MAP3K4: variants seen among roughly 807,000 people sequenced by gnomAD.
The protein encoded by MAP3K4 is MAP three kinase 1.
A neutral mutation model predicts 185.6 loss-of-function variants in MAP3K4; 67 were observed. The observed-to-expected ratio is 0.36, with a 90% CI of 0.30 to 0.44. MAP3K4 has a LOEUF of 0.44. MAP3K4 is among the 20% of genes least tolerant of loss of function. The pLI, the probability that MAP3K4 is intolerant of heterozygous loss-of-function variation, is 1.00. For missense variants in MAP3K4, 1,551 were observed against 1,995.1 expected, an observed-to-expected ratio of 0.78 and a Z score of 4.24; for synonymous variants, 702 against 710.4, an observed-to-expected ratio of 0.99 and a Z score of 0.19.
rs4709490 is a variant in MAP3K4, at chr6:161,076,162, G to T, written c.2097+2550G>T. Among the ~76,000 whole-genome samples the T allele has an allele frequency of 0.91, 137,956 of 152,284 alleles. 62,672 individuals are homozygous for T. Among genetic ancestry groups the T allele is most frequent in the East Asian group, 0.99 (5,135 of 5,178 alleles). ...GAAGGTAAACCCAAGCTCTAAATAC[G>T]TGTCCGCCTTAGGCCCAGAAGGCCC... On this transcript the variant is annotated intron_variant, in intron 5 of 26. Coordinates refer to ENST00000392142, the MANE Select transcript of MAP3K4 (RefSeq NM_005922.4). The surrounding 1 kb of genome is among the most constrained non-coding windows in gnomAD (Gnocchi z 4.2).
intron 2 of MAP3K4, among the ~76,000 whole-genome samples, chr6:161,040,316 G>T (rs1033264174): frequency 6.6e-6 from 1 of 152,132 alleles, no homozygotes; most frequent in Admixed American, 6.5e-5. Context: ...CATTTACATG[G>T]TGTGTGTGCA....
Position 161,114,038 on chromosome 6 carries a change from G to C in MAP3K4, c.4627-1085G>C, listed in dbSNP as rs892221636. On this transcript the variant is annotated intron_variant, in intron 25 of 26. Transcript: ENST00000392142. The surrounding 1 kb of genome is among the most constrained non-coding windows in gnomAD (Gnocchi z 4.3). Reference sequence around the variant, plus strand: ...TCTCGAACTCCTGACCTCATGATCCGCCTGCCTCAGCCTCCCGAAGTGCTG... The same window carrying C: ...TCTCGAACTCCTGACCTCATGATCCCCCTGCCTCAGCCTCCCGAAGTGCTG... Among the ~76,000 whole-genome samples the C allele has an allele frequency of 6.6e-6, 1 of 151,786 alleles. No individual in the cohort carries two copies. The highest frequency in any genetic ancestry group is 2.4e-5 in the African/African-American group (1 of 41,320).
At chr6:161,069,802 G>A (rs925923059) in intron 3 of MAP3K4, among the ~76,000 whole-genome samples, 1 of 152,024 alleles carries the variant, frequency 6.6e-6, no homozygotes, top group South Asian at 2.1e-4. Context: ...GATGGGGAGG[G>A]GAGAAATAGC....
chr6:161,091,938 A>G lies in MAP3K4; in HGVS notation c.3136-72A>G, dbSNP rs867717023. 8 of 1,239,462 alleles carry G rather than the reference A, an allele frequency of 6.5e-6. No individual in the cohort carries two copies. Among genetic ancestry groups the G allele is most frequent in the Admixed American group, 2.1e-5 (1 of 48,382 alleles). The allele number at this position is 1,239,462 out of a possible 1,614,324, so 76.8% of individuals were successfully genotyped here. On this transcript the variant is annotated intron_variant, in intron 12 of 26. Coordinates refer to ENST00000392142, the MANE Select transcript of MAP3K4 (RefSeq NM_005922.4). The surrounding 1 kb of genome is among the most constrained non-coding windows in gnomAD (Gnocchi z 5.5). ...TTTGTTTTTAGAAAACATTTTAGAC[A>G]TGGCATTATAGTGTGTGATATTATT...
At position 161,106,814 on chromosome 6, in the gene MAP3K4, T is replaced by C. The variant is rs1460939695; in HGVS notation, c.4048+109T>C. 4.8e-6 allele frequency: 4 copies of C among 827,922 alleles called. No individual in the cohort carries two copies. The highest frequency in any genetic ancestry group is 3.0e-5 in the Admixed American group (1 of 33,742). 51.3% of individuals were successfully genotyped at this position (827,922 alleles called of 1,614,324 possible). ...AGTTGGCCCTTTTTTCTTGTAGACA[T>C]AGCAAGTATGCATTGTTATCTTTTT... On this transcript the variant is annotated intron_variant, in intron 20 of 26. Transcript: ENST00000392142. This position sits in a 1 kb window ranked among gnomAD's most constrained non-coding sequence, Gnocchi z 4.9.
At chr6:161,014,673 T>C (rs1487667585) in intron 1 of MAP3K4, among the ~76,000 whole-genome samples, 1 of 152,230 alleles carries the variant, frequency 6.6e-6, no homozygotes, top group Admixed American at 6.5e-5. Context: ...AGTGTTCTCA[T>C]TGGAATTGGA....
rs1175394583 is a variant in MAP3K4 at position 161,074,815 on chromosome 6, T to C, written c.2097+1203T>C. On this transcript the variant is annotated intron_variant, in intron 5 of 26. Transcript: ENST00000392142. The surrounding 1 kb of genome is among the most constrained non-coding windows in gnomAD (Gnocchi z 5.0). ...TGGCTGCAGCACCTACAGATACCAC[T>C]CTCACTTTCTAAGCGGGAAGAAAAG... 6.6e-6 allele frequency among the ~76,000 whole-genome samples: 1 copy of C among 152,192 alleles called. No individual in the cohort carries two copies. Among genetic ancestry groups the C allele is most frequent in the Admixed American group, 6.5e-5 (1 of 15,288 alleles).
At chr6:161,069,957 T>G (rs115726343) in intron 3 of MAP3K4, among the ~76,000 whole-genome samples, 2,730 of 151,472 alleles carry the variant, frequency 0.018, 82 homozygotes, top group African/African-American at 0.063. Context: ...GTAAGGAATT[T>G]GAGAGGAACA....
At chr6:161,003,960 G>T (rs1186051349) in intron 1 of MAP3K4, among the ~76,000 whole-genome samples, 1 of 151,018 alleles carries the variant, frequency 6.6e-6, no homozygotes, top group Non-Finnish European at 1.5e-5. Flanking sequence ...ATCTTTACTG[G>T]GAAATAAAAG....
In MAP3K4 at chr6:161,096,123, T is replaced by G. The variant is rs530707535; in HGVS notation, c.3428-957T>G. Among the ~76,000 whole-genome samples the G allele has an allele frequency of 7.2e-4, 109 of 152,302 alleles. No individual in the cohort carries two copies. The highest frequency in any genetic ancestry group is 2.3e-3 in the African/African-American group (94 of 41,564). On this transcript the variant is annotated intron_variant, in intron 15 of 26. Transcript: ENST00000392142. This position sits in a 1 kb window ranked among gnomAD's most constrained non-coding sequence, Gnocchi z 4.9. ...TCAGAGACACAAATTGCCTGAGGGT[T>G]TTTTGTTAACAATCCCTTAAGTTTT...
chr6:161,070,492 A>C lies in MAP3K4; in HGVS notation c.1708-116A>C, dbSNP rs1784888679. ...TATTAAATATTCTTTTCCCTGTAAA[A>C]TTAGAATTTTTGTAGATTTGTTAGC... On this transcript the variant is annotated intron_variant, in intron 3 of 26. Transcript: ENST00000392142. The surrounding 1 kb of genome is among the most constrained non-coding windows in gnomAD (Gnocchi z 4.5). 1 of 741,074 alleles carries C rather than the reference A, an allele frequency of 1.3e-6. No homozygotes were observed. The highest frequency in any genetic ancestry group is 3.0e-5 in the South Asian group (1 of 33,770). The allele number at this position is 741,074 out of a possible 1,614,324, so 45.9% of individuals were successfully genotyped here.
In MAP3K4 at chr6:161,048,005, C is replaced by A. The variant is rs1387755972; in HGVS notation, c.344-611C>A. 1.3e-5 allele frequency among the ~76,000 whole-genome samples: 2 copies of A among 152,092 alleles called. No homozygotes were observed. ...TAATTTTAAATTTAAAATGTTATTGCCCACTTGTTTGTGGCAAAGGAGAAA... is the reference window on the plus strand; with the variant it reads ...TAATTTTAAATTTAAAATGTTATTGACCACTTGTTTGTGGCAAAGGAGAAA... On this transcript the variant is annotated intron_variant, in intron 2 of 26. Transcript: ENST00000392142. The surrounding 1 kb of genome is among the most constrained non-coding windows in gnomAD (Gnocchi z 4.7).
In MAP3K4 at chr6:161,084,655, C is replaced by A; in HGVS notation, c.2372+38C>A. On this transcript the variant is annotated intron_variant, in intron 7 of 26. Transcript: ENST00000392142. This position sits in a 1 kb window ranked among gnomAD's most constrained non-coding sequence, Gnocchi z 4.6. Reference sequence around the variant, plus strand: ...CTTCCTTTCCCCTTCCACTTCTTATCTCGTAGTTTCCTTCCTCATGGTGAG... The same window carrying A: ...CTTCCTTTCCCCTTCCACTTCTTATATCGTAGTTTCCTTCCTCATGGTGAG... 8.6e-7 allele frequency: 1 copy of A among 1,167,848 alleles called. No homozygotes were observed. The allele number at this position is 1,167,848 out of a possible 1,614,324, so 72.3% of individuals were successfully genotyped here.
At chr6:161,113,790 CTT>C (rs963260228) in intron 25 of MAP3K4, among the ~76,000 whole-genome samples, 7 of 71,074 alleles carry the variant, frequency 9.8e-5, no homozygotes, top group African/African-American at 3.5e-4. Flanking sequence ...ATATGAGTGA[CTT>C]TTTTTTTTTT....
In MAP3K4 at chr6:161,063,183, A is replaced by C. The variant is rs9458109; in HGVS notation, c.1708-7425A>C. The stretch of plus-strand genomic sequence containing the variant: ...ATTTGATTTTTGATTAAAAAATTAA[A>C]TTCTGAGTTCTATCACTGAGGTTTT... On this transcript the variant is annotated intron_variant, in intron 3 of 26. Transcript: ENST00000392142. This position sits in a 1 kb window ranked among gnomAD's most constrained non-coding sequence, Gnocchi z 5.4. Among the ~76,000 whole-genome samples the C allele has an allele frequency of 0.035, 5,252 of 152,100 alleles. 203 individuals are homozygous for C. The highest frequency in any genetic ancestry group is 0.095 in the African/African-American group (3,963 of 41,516).
At chr6:160,995,714 C>T (rs569178763) in intron 1 of MAP3K4, among the ~76,000 whole-genome samples, 2 of 152,212 alleles carry the variant, frequency 1.3e-5, no homozygotes, top group East Asian at 1.9e-4. Flanking sequence ...CTTTTTCAAG[C>T]TTCTGGGGCA....
chr6:161,060,912 G>A (rs1022779851), intron 3 of MAP3K4, among the ~76,000 whole-genome samples: 4 of 152,100 alleles, frequency 2.6e-5, no homozygotes, highest in African/African-American at 9.7e-5. Flanking sequence ...GAGCCACCGC[G>A]CCCGGCCACT....
At chr6:161,030,281 A>G (rs1325315353) in intron 1 of MAP3K4, among the ~76,000 whole-genome samples, 3 of 152,012 alleles carry the variant, frequency 2.0e-5, no homozygotes, top group East Asian at 3.9e-4. Context: ...TGTGTCTTCA[A>G]GTTCACTGAT....
chr6:161,065,148 T>C (rs1784652074), intron 3 of MAP3K4, among the ~76,000 whole-genome samples: 1 of 152,186 alleles, frequency 6.6e-6, no homozygotes, highest in South Asian at 2.1e-4. Context: ...ATCAGCCACA[T>C]TGAGGAACTG....
Sources: allele counts gnomAD v4.1 joint callset (sites outside exome capture counted in the v4.1 genomes callset), GRCh38; gene constraint gnomAD v4.1.1; non-coding constraint Gnocchi (gnomAD v3.1); transcripts MANE v1.5; gene names NCBI Gene and HGNC (gene_info 2026-07-23, HGNC 2026-07-21).